Variants in ELAVL2 observed in about 807,000 individuals in gnomAD.
ELAVL2 encodes ELAV like RNA binding protein 2, also known as ELAV-like protein 2.
In ELAVL2, 4 loss-of-function variants were observed where a neutral mutation model predicts 34.6. The ratio of observed to expected loss-of-function variants is 0.12; its 90% confidence interval spans 0.06 to 0.26. ELAVL2 has a LOEUF of 0.26. Among genes scored for constraint, ELAVL2 ranks in the 10% least tolerant of loss-of-function variants. The pLI is 1.00. For synonymous variants in ELAVL2, 193 were observed against 154.8 expected (o/e 1.25, Z -1.83); for missense variants, 432 against 442.8 (o/e 0.98, Z 0.22).
At chr9:23,739,556 C>A (rs2048669219) in intron 2 of ELAVL2, among the ~76,000 whole-genome samples, 1 of 152,054 alleles carries the variant, frequency 6.6e-6, no homozygotes, top group Admixed American at 6.6e-5. Context: ...CCCCCACCCC[C>A]ACACACACTA....
intron 3 of ELAVL2, among the ~76,000 whole-genome samples, chr9:23,711,254 G>A (rs1424352561): frequency 1.3e-5 from 2 of 152,120 alleles, no homozygotes; most frequent in Non-Finnish European, 2.9e-5. Context: ...ATAGGATTTA[G>A]AAAACTATCA....
rs1318082510 is a variant in ELAVL2 at position 23,692,902 on chromosome 9, A to G, written c.753-18T>C. ...GAGAAAACCTGCTAAACAGAATAGG[A>G]AATACACACATACACACAAAAAATA... On this transcript the variant is annotated intron_variant, in intron 6 of 6. Transcript: ENST00000397312. The G allele has an allele frequency of 5.6e-6, 9 of 1,607,970 alleles. No individual in the cohort carries two copies. The highest frequency in any genetic ancestry group is 6.8e-6 in the Non-Finnish European group (8 of 1,175,694).
At chr9:23,777,340 G>T (rs1464719815) in intron 1 of ELAVL2, among the ~76,000 whole-genome samples, 1 of 152,074 alleles carries the variant, frequency 6.6e-6, no homozygotes, top group African/African-American at 2.4e-5. Context: ...GAAGAGTGTA[G>T]ATCTACTCAA....
intron 2 of ELAVL2, among the ~76,000 whole-genome samples, chr9:23,758,547 T>C (rs867148656): frequency 6.6e-5 from 10 of 152,132 alleles, no homozygotes; most frequent in African/African-American, 1.9e-4. Context: ...TACTCCACTT[T>C]TGAATTTATT....
intron 1 of ELAVL2, among the ~76,000 whole-genome samples, chr9:23,775,216 C>T (rs1431597505): frequency 6.6e-6 from 1 of 152,092 alleles, no homozygotes; most frequent in African/African-American, 2.4e-5. Context: ...ATTCCTCTTT[C>T]CATGCCAGTC....
At chr9:23,844,135 G>A in the ELAVL2 span, among the ~76,000 whole-genome samples, 1 of 151,914 alleles carries the variant, frequency 6.6e-6, no homozygotes, top group East Asian at 1.9e-4. Flanking sequence ...CCACACTAAA[G>A]TCAACCACAG....
intron 2 of ELAVL2, among the ~76,000 whole-genome samples, chr9:23,751,949 A>AC (rs1211394178): frequency 2.0e-5 from 3 of 152,044 alleles, no homozygotes; most frequent in African/African-American, 7.2e-5. Context: ...ACTTTGTTCC[A>AC]CCCCTGGAAA....
rs1212927629 is a variant in ELAVL2, at chr9:23,701,396, C to A, written c.696G>T (p.Gln232His). 1 of 1,614,064 alleles carries A rather than the reference C, an allele frequency of 6.2e-7. No individual in the cohort carries two copies. The highest frequency in any genetic ancestry group is 1.7e-5 in the Admixed American group (1 of 60,020). ...PNRRYPGPLAQQAQRFRLDNL... is the reference protein window; with the variant it reads ...PNRRYPGPLAHQAQRFRLDNL... ...AGACTTACCTAAAACGCTGTGCCTGCTGAGCTAGCGGTCCTGGATACCTTC... is the reference window on the plus strand; with the variant it reads ...AGACTTACCTAAAACGCTGTGCCTGATGAGCTAGCGGTCCTGGATACCTTC... The change falls in exon 5 of 7, where the codon CAG becomes CAT. Residue 232 changes from glutamine (Q) to histidine (H), a missense_variant. Gln to His is a conservative substitution (Grantham distance 24, BLOSUM62 0). This residue lies in a region of ELAVL2 where 295 missense variants were observed against 306.1 expected (regional missense o/e 0.96). Transcript: ENST00000397312.
chr9:23,753,514 GTAC>G (rs1236545011), intron 2 of ELAVL2, among the ~76,000 whole-genome samples: 1 of 152,078 alleles, frequency 6.6e-6, no homozygotes, highest in Non-Finnish European at 1.5e-5. Flanking sequence ...GGTTGATTTT[GTAC>G]TACATCATAA....
In ELAVL2 at chr9:23,810,385, G is replaced by A. The variant is rs781362097; in HGVS notation, c.-16+15421C>T. Among the ~76,000 whole-genome samples the A allele has an allele frequency of 5.7e-4, 86 of 151,932 alleles. 1 individual carries two copies. The highest frequency in any genetic ancestry group is 2.9e-4 in the Non-Finnish European group (20 of 67,978). ...GGCATACTGCTAGGAGTGCTACAGG[G>A]ACCACAGTGAAGCTTTAAAAAAAAT... On this transcript the variant is annotated intron_variant, in intron 1 of 6. Coordinates refer to ENST00000397312, the MANE Select transcript of ELAVL2 (RefSeq NM_004432.5).
intron 1 of ELAVL2, among the ~76,000 whole-genome samples, chr9:23,813,773 A>G (rs1331569089): frequency 2.0e-5 from 3 of 152,218 alleles, no homozygotes; most frequent in East Asian, 1.9e-4. Context: ...AAAGGAGACT[A>G]TAAGATCTAA....
intron 3 of ELAVL2, among the ~76,000 whole-genome samples, chr9:23,721,223 C>T (rs78416820): frequency 0.013 from 1,979 of 152,322 alleles, 16 homozygotes; most frequent in Middle Eastern, 0.041. Context: ...AAAGATATTT[C>T]CAAGAACCCA....
At chr9:23,777,705 A>G (rs2058443324) in intron 1 of ELAVL2, among the ~76,000 whole-genome samples, 1 of 152,224 alleles carries the variant, frequency 6.6e-6, no homozygotes, top group African/African-American at 2.4e-5. Flanking sequence ...CTGGAACAGT[A>G]ATTAGACCAA....
the ELAVL2 span, among the ~76,000 whole-genome samples, chr9:23,841,369 A>C: frequency 6.6e-6 from 1 of 152,080 alleles, no homozygotes; most frequent in African/African-American, 2.4e-5. Context: ...ACCCTGGCAT[A>C]TCTCTATACA....
chr9:23,798,153 G>A (rs893809256), intron 1 of ELAVL2, among the ~76,000 whole-genome samples: 4 of 152,174 alleles, frequency 2.6e-5, no homozygotes, highest in African/African-American at 7.2e-5. Context: ...TCCTTTAACT[G>A]TCTCTTACAA....
chr9:23,700,473 G>C (rs2036797552), intron 5 of ELAVL2, among the ~76,000 whole-genome samples: 1 of 152,230 alleles, frequency 6.6e-6, no homozygotes, highest in South Asian at 2.1e-4. Flanking sequence ...ACACCTGTCA[G>C]TGAGATAGAG....
At chr9:23,738,323 A>T (rs1256030320) in intron 2 of ELAVL2, among the ~76,000 whole-genome samples, 4 of 152,224 alleles carry the variant, frequency 2.6e-5, no homozygotes, top group Non-Finnish European at 5.9e-5. Flanking sequence ...ACTTAGCCTG[A>T]GTCTCCTCAA....
intron 3 of ELAVL2, among the ~76,000 whole-genome samples, chr9:23,730,372 G>C (rs571372176): frequency 1.3e-5 from 2 of 152,092 alleles, no homozygotes; most frequent in African/African-American, 4.8e-5. Context: ...AGTTCCTCCA[G>C]TCAGTCTCCT....
intron 2 of ELAVL2, among the ~76,000 whole-genome samples, chr9:23,737,118 T>G (rs940172910): frequency 6.6e-6 from 1 of 152,160 alleles, no homozygotes; most frequent in Admixed American, 6.5e-5. Context: ...ATTTGGATGC[T>G]CCCTCACTAG....
Sources: gnomAD v4.1 joint callset for allele counts (sites outside exome capture counted in the v4.1 genomes callset) on GRCh38, gnomAD v4.1.1 for gene constraint, gnomAD v4.1.1 regional missense constraint, MANE v1.5 for transcripts, NCBI Gene and HGNC (gene_info 2026-07-23, HGNC 2026-07-21) for gene names.